ABLIM1: variants seen among roughly 807,000 people sequenced by gnomAD.
ABLIM1 encodes actin-binding LIM protein 1.
In ABLIM1, 40 loss-of-function variants were observed where a neutral mutation model predicts 107.0. The observed-to-expected ratio is 0.37, with a 90% CI of 0.29 to 0.49. The LOEUF is 0.49. ABLIM1 is among the 20% of genes least tolerant of loss of function. The pLI, the probability that ABLIM1 is intolerant of heterozygous loss-of-function variation, is 0.97. For missense variants in ABLIM1, 857 were observed against 1,008.5 expected, an observed-to-expected ratio of 0.85 and a Z score of 2.04; for synonymous variants, 357 against 357.3, an observed-to-expected ratio of 1.00 and a Z score of 0.01.
chr10:114,650,399 C>G (rs1281342894), intron 1 of ABLIM1, among the ~76,000 whole-genome samples: 2 of 152,166 alleles, frequency 1.3e-5, no homozygotes, highest in African/African-American at 4.8e-5. Flanking sequence ...TAAACTTAAA[C>G]AGACTGCTTT....
intron 2 of ABLIM1, among the ~76,000 whole-genome samples, chr10:114,588,797 G>A (rs1024421589): frequency 7.2e-5 from 11 of 151,958 alleles, no homozygotes; most frequent in African/African-American, 2.4e-4. Flanking sequence ...GAGTCACCGC[G>A]TCTGGCCTGA....
Position 114,652,544 on chromosome 10 carries a change from T to G in ABLIM1, c.244+5413A>C, listed in dbSNP as rs78013624. ...TCTCAGCAGGTGCCTGAATCAGACA[T>G]GAACCACCTTTCTCTCTTCTGGGAT... On this transcript the variant is annotated intron_variant, in intron 1 of 22. Coordinates refer to ENST00000533213, the MANE Select transcript of ABLIM1 (RefSeq NM_002313.7). Among the ~76,000 whole-genome samples the G allele has an allele frequency of 7.7e-3, 1,169 of 152,282 alleles. 17 individuals are homozygous for G. Among genetic ancestry groups the G allele is most frequent in the African/African-American group, 0.027 (1,115 of 41,548 alleles).
chr10:114,570,042 G>A (rs1225062618), intron 4 of ABLIM1, among the ~76,000 whole-genome samples: 1 of 152,138 alleles, frequency 6.6e-6, no homozygotes. Flanking sequence ...ATTATAAATT[G>A]CACTGAATTT....
At chr10:114,709,848 C>T (rs1172713583) in intron 1 of ABLIM1, among the ~76,000 whole-genome samples, 1 of 151,874 alleles carries the variant, frequency 6.6e-6, no homozygotes, top group Non-Finnish European at 1.5e-5. Flanking sequence ...GACTTTTTTC[C>T]CTTCCTAAAT....
rs539493459 is a variant in ABLIM1, at chr10:114,755,736, C to T, written c.-213+12325G>A. 6.6e-5 allele frequency among the ~76,000 whole-genome samples: 10 copies of T among 152,312 alleles called. No homozygotes were observed. In the South Asian group the frequency reaches 8.3e-4, roughly 13 times the overall value. On this transcript the variant is annotated intron_variant, in intron 1 of 15. Coordinates refer to the ABLIM1 transcript ENST00000651092. ...CGTATCCCACACCTGCCTCTGGCTC[C>T]GCTCTGTTATTTGCTGACTTAACTG...
upstream of ABLIM1, among the ~76,000 whole-genome samples, chr10:114,662,424 T>C (rs187427053): frequency 6.6e-6 from 1 of 151,154 alleles, no homozygotes; most frequent in East Asian, 1.9e-4. Flanking sequence ...GAGGTTCTCC[T>C]GCTCAGCAGC....
chr10:114,725,925 T>C, intron 1 of ABLIM1, among the ~76,000 whole-genome samples: 1 of 151,962 alleles, frequency 6.6e-6, no homozygotes, highest in Non-Finnish European at 1.5e-5. Context: ...GTTTTCTGTT[T>C]TTTGTAGAGA....
chr10:114,702,335 G>A (rs377102078), intron 1 of ABLIM1, among the ~76,000 whole-genome samples: 1 of 152,122 alleles, frequency 6.6e-6, no homozygotes, highest in Non-Finnish European at 1.5e-5. Flanking sequence ...ATGAGTTACA[G>A]AATTTTAATG....
At chr10:114,463,078 G>C (rs756718470) in intron 12 of ABLIM1, 3 of 1,343,062 alleles carry the variant, frequency 2.2e-6, no homozygotes, top group South Asian at 2.4e-5. Context: ...TGTCGGAAAG[G>C]GGGGTTGGGG....
At chr10:114,542,851 C>T (rs889940531) in intron 6 of ABLIM1, among the ~76,000 whole-genome samples, 5 of 152,188 alleles carry the variant, frequency 3.3e-5, no homozygotes, top group South Asian at 2.1e-4. Context: ...TGGGACCGCT[C>T]GGACTCCAAG....
At chr10:114,650,967 T>A (rs2079213148) in intron 1 of ABLIM1, among the ~76,000 whole-genome samples, 1 of 152,138 alleles carries the variant, frequency 6.6e-6, no homozygotes, top group Non-Finnish European at 1.5e-5. Flanking sequence ...ACATTTTATA[T>A]ACGAGAAAAC....
the ABLIM1 span, among the ~76,000 whole-genome samples, chr10:114,783,729 G>T: frequency 6.6e-6 from 1 of 151,858 alleles, no homozygotes; most frequent in East Asian, 1.9e-4. Flanking sequence ...CAGGAAAAAA[G>T]GCCCTGATTT....
the ABLIM1 span, among the ~76,000 whole-genome samples, chr10:114,789,780 C>T: frequency 2.7e-5 from 4 of 150,200 alleles, no homozygotes; most frequent in African/African-American, 7.4e-5. Context: ...TTGTTTTTTG[C>T]ATGTATATTT....
chr10:114,601,998 G>A (rs756858380), intron 1 of ABLIM1, 37 bp from the exon 2 acceptor site: 8 of 1,609,378 alleles, frequency 5.0e-6, no homozygotes, highest in Non-Finnish European at 6.8e-6. Flanking sequence ...GGTGAGTAGA[G>A]AGCATTCCTG....
chr10:114,618,789 C>G (rs2077287042), intron 1 of ABLIM1, among the ~76,000 whole-genome samples: 1 of 152,212 alleles, frequency 6.6e-6, no homozygotes, highest in South Asian at 2.1e-4. Context: ...CTCTGGCTGG[C>G]CTTGCTTGCC....
rs541921315 is a variant in ABLIM1 at position 114,511,148 on chromosome 10, A to T, written c.895-19270T>A. Among the ~76,000 whole-genome samples, 6 of 152,186 alleles carry T rather than the reference A, an allele frequency of 3.9e-5. No individual in the cohort carries two copies. The East Asian group carries it at 9.6e-4, about 24-fold the overall frequency. On this transcript the variant is annotated intron_variant, in intron 6 of 22. Coordinates refer to ENST00000533213, the MANE Select transcript of ABLIM1 (RefSeq NM_002313.7). ...GTATAATTATATAATCAGTTAACAT[A>T]GTACAAGAATGAAATGTTAAATTCT...
At chr10:114,516,199 T>C (rs1005564814) in intron 6 of ABLIM1, among the ~76,000 whole-genome samples, 3 of 150,924 alleles carry the variant, frequency 2.0e-5, no homozygotes, top group Middle Eastern at 3.4e-3. Context: ...TCTAAGGGAG[T>C]GAGGTGAGCA....
chr10:114,663,722 T>C (rs1158191786), intron 1 of ABLIM1, among the ~76,000 whole-genome samples: 3 of 152,218 alleles, frequency 2.0e-5, no homozygotes, highest in Non-Finnish European at 4.4e-5. Context: ...CCTGGCCAGC[T>C]GTGGACATAG....
chr10:114,644,855 T>C (rs1434739987), intron 1 of ABLIM1, among the ~76,000 whole-genome samples: 2 of 152,114 alleles, frequency 1.3e-5, no homozygotes, highest in African/African-American at 2.4e-5. Context: ...GGACAGAGTG[T>C]CAGAGGAAGC....
Sources: allele counts gnomAD v4.1 joint callset (sites outside exome capture counted in the v4.1 genomes callset), GRCh38; gene constraint gnomAD v4.1.1; transcripts MANE v1.5; gene names NCBI Gene and HGNC (gene_info 2026-07-23, HGNC 2026-07-21).